Variants in IGSF11 observed in about 807,000 individuals in gnomAD.
The protein encoded by IGSF11 is CXADR like 1.
In IGSF11, 22 loss-of-function variants were observed where a neutral mutation model predicts 41.0. The observed-to-expected ratio is 0.54, with a 90% confidence interval of 0.38 to 0.77. The LOEUF (loss-of-function observed/expected upper bound fraction) is 0.77. Ranked by LOEUF, IGSF11 falls within the 30% of genes least tolerant of loss-of-function variation. The pLI is 0.00. For synonymous variants in IGSF11, 219 were observed against 201.3 expected (o/e 1.09, Z -0.74); for missense variants, 444 against 530.8 (o/e 0.84, Z 1.61).
Position 119,090,385 on chromosome 3 carries a change from TA to T in IGSF11, c.49+14758del, listed in dbSNP as rs2076744306. Among the ~76,000 whole-genome samples the T allele has an allele frequency of 3.3e-5, 5 of 152,178 alleles. No homozygotes were observed. In the South Asian group the frequency reaches 1.0e-3, roughly 32 times the overall value. On this transcript the variant is annotated intron_variant, in intron 1 of 6. Coordinates refer to the IGSF11 transcript ENST00000354673. Reference sequence around the variant, plus strand: ...CTTCACAGAATTAGAAAAACTATTCTAAAATTCATATGGAACAATAACAAAA... The same window carrying T: ...CTTCACAGAATTAGAAAAACTATTCTAAATTCATATGGAACAATAACAAAA...
chr3:118,904,824 T>A, intron 5 of IGSF11, 26 bp from the exon 6 acceptor site: 1 of 1,565,474 alleles, frequency 6.4e-7, no homozygotes, highest in Non-Finnish European at 8.6e-7. Flanking sequence ...AAGATATATT[T>A]AAAGAAAAGA....
At chr3:119,096,998 T>C (rs925907726) in intron 1 of IGSF11, among the ~76,000 whole-genome samples, 5 of 152,202 alleles carry the variant, frequency 3.3e-5, no homozygotes, top group African/African-American at 1.2e-4. Context: ...GCTGCCATCT[T>C]GATTATTCTT....
intron 1 of IGSF11, among the ~76,000 whole-genome samples, chr3:119,072,598 G>C (rs114741618): frequency 0.016 from 2,433 of 152,264 alleles, 77 homozygotes; most frequent in African/African-American, 0.056. Context: ...GAGTGAAGCC[G>C]CATACCTTCG....
At chr3:119,097,058 T>C (rs1176760459) in intron 1 of IGSF11, among the ~76,000 whole-genome samples, 2 of 152,200 alleles carry the variant, frequency 1.3e-5, no homozygotes, top group African/African-American at 4.8e-5. Context: ...TCCACCTAGA[T>C]AATCCAGGAT....
chr3:118,904,603 C>A, intron 6 of IGSF11, 45 bp downstream of exon 6: 1 of 1,397,106 alleles, frequency 7.2e-7, no homozygotes, highest in South Asian at 1.3e-5. Flanking sequence ...AATAGAAGTA[C>A]ACAATGGCTA....
chr3:118,972,886 T>C (rs548480293), intron 1 of IGSF11, among the ~76,000 whole-genome samples: 2 of 152,288 alleles, frequency 1.3e-5, no homozygotes, highest in East Asian at 3.9e-4. Flanking sequence ...ACACCATAAA[T>C]GAATAGAGTT....
At chr3:118,967,741 A>G (rs948011917) in intron 1 of IGSF11, among the ~76,000 whole-genome samples, 1 of 152,216 alleles carries the variant, frequency 6.6e-6, no homozygotes, top group Non-Finnish European at 1.5e-5. Context: ...TTATTGAAAC[A>G]TGTCAAGTAA....
At chr3:119,048,954 A>G (rs1249964010) in intron 1 of IGSF11, among the ~76,000 whole-genome samples, 1 of 152,248 alleles carries the variant, frequency 6.6e-6, no homozygotes, top group African/African-American at 2.4e-5. Flanking sequence ...ACAGCCCTTC[A>G]TGGTAAAAAC....
intron 1 of IGSF11, among the ~76,000 whole-genome samples, chr3:119,000,041 G>T (rs1028158126): frequency 1.4e-5 from 2 of 147,608 alleles, no homozygotes; most frequent in African/African-American, 5.0e-5. Context: ...GGCTTTAAAA[G>T]CTCTTCCAAA....
Position 118,907,573 on chromosome 3 carries a change from A to C in IGSF11, c.581-1855T>G, listed in dbSNP as rs374427855. Among the ~76,000 whole-genome samples, 5 of 152,308 alleles carry C rather than the reference A, an allele frequency of 3.3e-5. No homozygotes were observed. In the East Asian group the frequency reaches 9.6e-4, roughly 29 times the overall value. ...ATTGCCAGGCACACAGAAAGGTGCT[A>C]AATAAAAGTGATCAATAAATAAAAG... On this transcript the variant is annotated intron_variant, in intron 4 of 6. Transcript: ENST00000393775.
At chr3:119,049,328 A>G (rs1349071945) in intron 1 of IGSF11, among the ~76,000 whole-genome samples, 2 of 152,004 alleles carry the variant, frequency 1.3e-5, no homozygotes, top group East Asian at 1.9e-4. Context: ...ATGTGCAAAA[A>G]TCACAAGCAT....
chr3:119,053,139 T>C (rs1474973615), intron 1 of IGSF11, among the ~76,000 whole-genome samples: 1 of 152,180 alleles, frequency 6.6e-6, no homozygotes, highest in East Asian at 1.9e-4. Flanking sequence ...CTGGAAGTCC[T>C]AGCCAGAGCA....
chr3:118,989,464 T>A (rs1276536049), intron 1 of IGSF11, among the ~76,000 whole-genome samples: 1 of 152,146 alleles, frequency 6.6e-6, no homozygotes, highest in Non-Finnish European at 1.5e-5. Flanking sequence ...GCCATTCTCC[T>A]GCCTCAGGCT....
intron 1 of IGSF11, among the ~76,000 whole-genome samples, chr3:119,013,569 T>C (rs891051740): frequency 1.3e-5 from 2 of 152,232 alleles, no homozygotes; most frequent in African/African-American, 2.4e-5. Flanking sequence ...ACAGTATCGA[T>C]TCTTTTGACA....
At chr3:119,046,398 T>C (rs1443883077) in intron 1 of IGSF11, among the ~76,000 whole-genome samples, 1 of 151,830 alleles carries the variant, frequency 6.6e-6, no homozygotes, top group Non-Finnish European at 1.5e-5. Flanking sequence ...GTATCAGCAA[T>C]GGAAGATGAA....
intron 1 of IGSF11, among the ~76,000 whole-genome samples, chr3:119,081,742 C>T (rs2076590012): frequency 6.6e-6 from 1 of 152,288 alleles, no homozygotes; most frequent in African/African-American, 2.4e-5. Context: ...TACTTACTCA[C>T]ACCTCCTTGT....
intron 3 of IGSF11, among the ~76,000 whole-genome samples, chr3:118,927,637 G>A (rs146151273): frequency 2.6e-5 from 4 of 152,134 alleles, no homozygotes; most frequent in African/African-American, 7.2e-5. Context: ...AAAAGAAAGC[G>A]GGGGTGGAGT....
At chr3:118,990,015 T>C (rs548949026) in intron 1 of IGSF11, among the ~76,000 whole-genome samples, 2 of 152,264 alleles carry the variant, frequency 1.3e-5, no homozygotes, top group East Asian at 3.9e-4. Context: ...TACTAGTGGA[T>C]GGTATTTTTA....
chr3:119,136,176 A>T (rs2107544792), intron 1 of IGSF11, among the ~76,000 whole-genome samples: 1 of 152,304 alleles, frequency 6.6e-6, no homozygotes, highest in East Asian at 1.9e-4. Context: ...ACAAACCTGC[A>T]CATTGTGCAC....
Sources: gnomAD v4.1 joint callset for allele counts (sites outside exome capture counted in the v4.1 genomes callset) on GRCh38, gnomAD v4.1.1 for gene constraint, MANE v1.5 for transcripts, NCBI Gene and HGNC (gene_info 2026-07-23, HGNC 2026-07-21) for gene names.